BNC2: variants seen among roughly 807,000 people sequenced by gnomAD.
The protein encoded by BNC2 is zinc finger protein basonuclin-2.
In BNC2, 20 loss-of-function variants were observed where a neutral mutation model predicts 76.3. The ratio of observed to expected loss-of-function variants is 0.26; its 90% CI spans 0.18 to 0.38. The LOEUF is 0.38. BNC2 is among the 10% of genes least tolerant of loss of function. The pLI, the probability that BNC2 is intolerant of heterozygous loss-of-function variation, is 1.00. For synonymous variants in BNC2, 582 were observed against 514.8 expected (o/e 1.13, Z -1.77); for missense variants, 1,382 against 1,399.8 (o/e 0.99, Z 0.20).
chr9:16,605,538 T>C (rs981610775), intron 3 of BNC2, among the ~76,000 whole-genome samples: 1 of 152,242 alleles, frequency 6.6e-6, no homozygotes, highest in South Asian at 2.1e-4. Flanking sequence ...ACATTTTTCT[T>C]TAAGTCCCAT....
At chr9:16,765,782 ATTTT>A (rs762499077) in intron 1 of BNC2, among the ~76,000 whole-genome samples, 33 of 134,800 alleles carry the variant, frequency 2.4e-4, no homozygotes, top group Non-Finnish European at 4.3e-4. Flanking sequence ...CACTCTCGTA[ATTTT>A]TTTTTTTTTT....
rs755470647 is a variant in BNC2, at chr9:16,412,490, A to C, written c.*6499T>G. On this transcript the variant is annotated 3_prime_UTR_variant, in exon 7 of 7. Transcript: ENST00000380672. ...TTGCTCTAATTATAGGGCCACACCC[A>C]TTACTCTCAAGATGGAATTGTTAAC... is the stretch of plus-strand genomic sequence containing the variant. 2 of 152,542 alleles carry C rather than the reference A, an allele frequency of 1.3e-5. No homozygotes were observed. The highest frequency in any genetic ancestry group is 6.5e-5 in the Admixed American group (1 of 15,282). The allele number at this position is 152,542 out of a possible 1,614,324, so 9.4% of individuals were successfully genotyped here. A position where few individuals can be genotyped will look rare whatever the true frequency, so the allele number is the denominator to read the frequency against.
intron 3 of BNC2, among the ~76,000 whole-genome samples, chr9:16,717,661 A>G (rs1052320439): frequency 2.0e-5 from 3 of 152,210 alleles, no homozygotes; most frequent in Admixed American, 6.5e-5. Context: ...GTGTGAGATA[A>G]TGGATGTTTT....
intron 1 of BNC2, among the ~76,000 whole-genome samples, chr9:16,754,748 G>A (rs1301689942): frequency 1.3e-5 from 2 of 152,016 alleles, no homozygotes; most frequent in African/African-American, 4.8e-5. Context: ...AGTAGAGATG[G>A]GGTTTCACCA....
chr9:16,595,470 A>G (rs1001762834), intron 3 of BNC2, among the ~76,000 whole-genome samples: 1 of 152,148 alleles, frequency 6.6e-6, no homozygotes, highest in Non-Finnish European at 1.5e-5. Flanking sequence ...ACATAAATCA[A>G]TGAAGGCACA....
chr9:16,526,316 G>A (rs946192164), intron 5 of BNC2, among the ~76,000 whole-genome samples: 1 of 151,992 alleles, frequency 6.6e-6, no homozygotes, highest in Non-Finnish European at 1.5e-5. Context: ...GTGAGATAAG[G>A]ATAACAAAGA....
intron 3 of BNC2, among the ~76,000 whole-genome samples, chr9:16,635,367 A>G (rs1202405578): frequency 6.6e-6 from 1 of 152,136 alleles, no homozygotes; most frequent in Non-Finnish European, 1.5e-5. Context: ...TTACTTTATA[A>G]TTTTATGTAT....
chr9:16,628,822 G>T (rs1164319760), intron 3 of BNC2, among the ~76,000 whole-genome samples: 1 of 152,160 alleles, frequency 6.6e-6, no homozygotes, highest in Non-Finnish European at 1.5e-5. Flanking sequence ...CATTCAACTG[G>T]ATAATCATTG....
chr9:16,463,444 C>T (rs897633132), intron 5 of BNC2, among the ~76,000 whole-genome samples: 1 of 146,960 alleles, frequency 6.8e-6, no homozygotes, highest in Non-Finnish European at 1.5e-5. Flanking sequence ...CTACAGGCGC[C>T]CGCCACTACG....
intron 1 of BNC2, among the ~76,000 whole-genome samples, chr9:16,807,580 G>A (rs566385668): frequency 1.3e-5 from 2 of 152,274 alleles, no homozygotes; most frequent in Non-Finnish European, 1.5e-5. Context: ...ACAGGGAAAT[G>A]CTCCATGAAG....
At chr9:16,549,077 C>G in intron 5 of BNC2, among the ~76,000 whole-genome samples, 1 of 152,128 alleles carries the variant, frequency 6.6e-6, no homozygotes, top group East Asian at 1.9e-4. Context: ...TAATAATAAC[C>G]TCTTAAACCA....
intron 4 of BNC2, among the ~76,000 whole-genome samples, chr9:16,562,180 C>T (rs1258121287): frequency 6.6e-6 from 1 of 152,146 alleles, no homozygotes; most frequent in African/African-American, 2.4e-5. Context: ...ACATTCTTAT[C>T]TATTTTAGTA....
In BNC2 at chr9:16,467,968, A is replaced by G. The variant is rs1046322609; in HGVS notation, c.670-30444T>C. Among the ~76,000 whole-genome samples the G allele has an allele frequency of 7.3e-5, 11 of 151,708 alleles. No individual in the cohort carries two copies. The South Asian group carries it at 8.4e-4, about 12-fold the overall frequency. ...CTGGAACATGCTATCACTTCTTCCA[A>G]TTCTATCCTTGAGTGGATGCTGTTC... On this transcript the variant is annotated intron_variant, in intron 5 of 6. Coordinates refer to ENST00000380672, the MANE Select transcript of BNC2 (RefSeq NM_017637.6).
intron 5 of BNC2, among the ~76,000 whole-genome samples, chr9:16,442,874 G>C (rs1212501773): frequency 6.6e-6 from 1 of 152,048 alleles, no homozygotes; most frequent in African/African-American, 2.4e-5. Context: ...GGGAGGCAGA[G>C]GCAGGCGGAT....
chr9:16,428,125 G>C (rs1342387949), intron 6 of BNC2, among the ~76,000 whole-genome samples: 1 of 152,102 alleles, frequency 6.6e-6, no homozygotes. Flanking sequence ...ACAGACTGCT[G>C]AATGAAATAA....
intron 1 of BNC2, among the ~76,000 whole-genome samples, chr9:16,844,923 C>T (rs1302671150): frequency 6.6e-6 from 1 of 152,128 alleles, no homozygotes; most frequent in African/African-American, 2.4e-5. Flanking sequence ...TGTCCCTGAC[C>T]CACTAAATAG....
intron 1 of BNC2, among the ~76,000 whole-genome samples, chr9:16,772,863 G>T (rs141865090): frequency 6.6e-6 from 1 of 152,094 alleles, no homozygotes; most frequent in Non-Finnish European, 1.5e-5. Context: ...TCTTTTTCTG[G>T]AGAAACATAC....
At chr9:16,845,596 C>T (rs1454691801) in intron 1 of BNC2, among the ~76,000 whole-genome samples, 2 of 152,092 alleles carry the variant, frequency 1.3e-5, no homozygotes, top group South Asian at 4.1e-4. Flanking sequence ...CGGCGTGGGC[C>T]TGTAGTCCCA....
chr9:16,797,673 G>C (rs1451688491), intron 1 of BNC2, among the ~76,000 whole-genome samples: 1 of 152,156 alleles, frequency 6.6e-6, no homozygotes, highest in Admixed American at 6.5e-5. Context: ...GATTGAGTCT[G>C]TCAATATCTG....
Sources: gnomAD v4.1 joint callset for allele counts (sites outside exome capture counted in the v4.1 genomes callset) on GRCh38, gnomAD v4.1.1 for gene constraint, MANE v1.5 for transcripts, NCBI Gene and HGNC (gene_info 2026-07-23, HGNC 2026-07-21) for gene names.